ABHD17C: variants seen among roughly 807,000 people sequenced by gnomAD.
ABHD17C encodes alpha/beta hydrolase domain-containing protein 17C.
In ABHD17C, 11 loss-of-function variants were observed where a neutral mutation model predicts 27.9. The observed-to-expected ratio is 0.39, with a 90% CI of 0.25 to 0.65. The LOEUF is 0.65. Ranked by LOEUF, ABHD17C falls within the 30% of genes least tolerant of loss-of-function variation. The pLI, the probability that ABHD17C is intolerant of heterozygous loss-of-function variation, is 0.45. For synonymous variants in ABHD17C, 233 were observed against 209.1 expected, an observed-to-expected ratio of 1.11 and a Z score of -0.98; for missense variants, 280 against 470.2, an observed-to-expected ratio of 0.60 and a Z score of 3.74.
At chr15:80,702,110 T>C (rs936268800) in intron 1 of ABHD17C, among the ~76,000 whole-genome samples, 1 of 152,240 alleles carries the variant, frequency 6.6e-6, no homozygotes, top group Non-Finnish European at 1.5e-5. Context: ...TCTGTGTTAA[T>C]GGGCAATAAC....
rs1021896336 is a variant in ABHD17C at position 80,720,877 on chromosome 15, C to T, written c.590+24858C>T. Among the ~76,000 whole-genome samples, 126 of 151,034 alleles carry T rather than the reference C, an allele frequency of 8.3e-4. 1 individual carries two copies. Among genetic ancestry groups the T allele is most frequent in the Admixed American group, 8.6e-4 (13 of 15,174 alleles). ...TGGAGGTTGCAGTGAGCCGAGATCA[C>T]GCCACTGCACTCCAGCCTGGGCAAC... On this transcript the variant is annotated intron_variant, in intron 1 of 2. Transcript: ENST00000258884.
intron 1 of ABHD17C, among the ~76,000 whole-genome samples, chr15:80,726,746 C>T (rs952342448): frequency 7.9e-5 from 12 of 151,982 alleles, no homozygotes; most frequent in African/African-American, 2.7e-4. Flanking sequence ...AGGATGGTCT[C>T]GATCTCCTGA....
chr15:80,696,067 G>A (rs1400383306), intron 1 of ABHD17C, 48 bp downstream of exon 1: 1 of 1,495,638 alleles, frequency 6.7e-7, no homozygotes, highest in Admixed American at 2.0e-5. Flanking sequence ...GTGGGGAGGC[G>A]GGGTGGGGGT....
At chr15:80,702,120 C>T (rs1894581590) in intron 1 of ABHD17C, among the ~76,000 whole-genome samples, 1 of 152,178 alleles carries the variant, frequency 6.6e-6, no homozygotes, top group Non-Finnish European at 1.5e-5. Context: ...TGGGCAATAA[C>T]TCCTTAATGT....
At chr15:80,747,475 AAC>A (rs1208873141) in intron 1 of ABHD17C, among the ~76,000 whole-genome samples, 1 of 152,150 alleles carries the variant, frequency 6.6e-6, no homozygotes, top group Non-Finnish European at 1.5e-5. Context: ...GAGACATGAG[AAC>A]AGTGTTCCTT....
chr15:80,747,347 G>T (rs1310870067), intron 1 of ABHD17C, among the ~76,000 whole-genome samples: 5 of 152,078 alleles, frequency 3.3e-5, no homozygotes, highest in African/African-American at 2.4e-5. Flanking sequence ...TCTCCCCAAA[G>T]ACTCCCTGGA....
chr15:80,736,387 T>G (rs957086765), intron 1 of ABHD17C, among the ~76,000 whole-genome samples: 1 of 152,220 alleles, frequency 6.6e-6, no homozygotes, highest in Admixed American at 6.5e-5. Context: ...AAAGCACGTT[T>G]GTTAAGTTTT....
chr15:80,725,588 T>G (rs1351780274), intron 1 of ABHD17C, among the ~76,000 whole-genome samples: 2 of 152,208 alleles, frequency 1.3e-5, no homozygotes, highest in Non-Finnish European at 2.9e-5. Context: ...TCCTAACTCA[T>G]TGCAGCCGTG....
chr15:80,699,809 T>A (rs1179924485), intron 1 of ABHD17C, among the ~76,000 whole-genome samples: 4 of 152,178 alleles, frequency 2.6e-5, no homozygotes, highest in African/African-American at 9.7e-5. Context: ...GAAAAGTTAC[T>A]GAAAAGAGTG....
intron 1 of ABHD17C, among the ~76,000 whole-genome samples, chr15:80,718,206 C>T (rs1459571610): frequency 6.6e-6 from 1 of 151,854 alleles, no homozygotes; most frequent in Non-Finnish European, 1.5e-5. Context: ...AAAAAATTTC[C>T]CCCCATAAAC....
At chr15:80,709,351 T>C (rs1894696696) in intron 1 of ABHD17C, among the ~76,000 whole-genome samples, 1 of 151,554 alleles carries the variant, frequency 6.6e-6, no homozygotes, top group African/African-American at 2.4e-5. Context: ...TAGCCAGGTG[T>C]CGTAGTGCAC....
At position 80,724,584 on chromosome 15, in the gene ABHD17C, G is replaced by C. The variant is rs200060667; in HGVS notation, c.591-24929G>C. ...TCTCATAAGGAAAAACATAAATAAG[G>C]CTGAAAAAATATAAAATAGAGCCAC... On this transcript the variant is annotated intron_variant, in intron 1 of 2. Coordinates refer to ENST00000258884, the MANE Select transcript of ABHD17C (RefSeq NM_021214.2). 1.1e-4 allele frequency among the ~76,000 whole-genome samples: 16 copies of C among 152,192 alleles called. No homozygotes were observed. The East Asian group carries it at 2.9e-3, about 28-fold the overall frequency.
At chr15:80,737,208 G>C (rs896595855) in intron 1 of ABHD17C, among the ~76,000 whole-genome samples, 3 of 152,226 alleles carry the variant, frequency 2.0e-5, no homozygotes, top group Non-Finnish European at 4.4e-5. Flanking sequence ...ATTCAGGGCT[G>C]TGGCTTCCCC....
At chr15:80,743,692 C>T (rs1037344216) in intron 1 of ABHD17C, among the ~76,000 whole-genome samples, 1 of 152,132 alleles carries the variant, frequency 6.6e-6, no homozygotes, top group Non-Finnish European at 1.5e-5. Flanking sequence ...AGGTGATCCT[C>T]CCACCTCAGC....
intron 1 of ABHD17C, among the ~76,000 whole-genome samples, chr15:80,707,817 A>G (rs1296381678): frequency 1.3e-5 from 2 of 152,180 alleles, no homozygotes; most frequent in Non-Finnish European, 2.9e-5. Flanking sequence ...GTATTTGGGG[A>G]TATCCATTTT....
intron 1 of ABHD17C, among the ~76,000 whole-genome samples, chr15:80,707,790 C>T (rs1026319039): frequency 7.9e-5 from 12 of 152,062 alleles, no homozygotes; most frequent in African/African-American, 2.9e-4. Context: ...TTCTACAGCT[C>T]GGCGTGTCAA....
intron 1 of ABHD17C, among the ~76,000 whole-genome samples, chr15:80,744,996 C>T (rs1402229089): frequency 6.6e-6 from 1 of 152,154 alleles, no homozygotes; most frequent in African/African-American, 2.4e-5. Flanking sequence ...CATGAGTTGT[C>T]ACAGTTTTGT....
intron 1 of ABHD17C, among the ~76,000 whole-genome samples, chr15:80,715,428 G>C (rs866617873): frequency 1.2e-4 from 19 of 152,320 alleles, no homozygotes; most frequent in Admixed American, 2.6e-4. Flanking sequence ...TTTAATCTCT[G>C]TGCCTCAGTT....
chr15:80,709,678 C>G (rs1353931994), intron 1 of ABHD17C, among the ~76,000 whole-genome samples: 2 of 152,184 alleles, frequency 1.3e-5, no homozygotes, highest in Admixed American at 1.3e-4. Context: ...TCAGCAGCCC[C>G]GCCTCACACT....
Sources: allele counts gnomAD v4.1 joint callset (sites outside exome capture counted in the v4.1 genomes callset), GRCh38; gene constraint gnomAD v4.1.1; transcripts MANE v1.5; gene names NCBI Gene and HGNC (gene_info 2026-07-23, HGNC 2026-07-21).